Variants in HMCN1 observed in about 807,000 individuals in gnomAD.
HMCN1 encodes the protein hemicentin-1.
In HMCN1, 321 loss-of-function variants were observed where a neutral mutation model predicts 625.9. The ratio of observed to expected loss-of-function variants is 0.51; its 90% CI spans 0.47 to 0.56. HMCN1 has a LOEUF of 0.56. Ranked by LOEUF, HMCN1 falls within the 20% of genes least tolerant of loss-of-function variation. HMCN1 has a pLI of 0.00. For synonymous variants in HMCN1, 2,425 were observed against 2,417.6 expected, an observed-to-expected ratio of 1.00 and a Z score of -0.09; for missense variants, 6,588 against 6,887.3, an observed-to-expected ratio of 0.96 and a Z score of 1.54.
chr1:185,838,035 G>A (rs542700184), intron 1 of HMCN1, among the ~76,000 whole-genome samples: 19 of 152,204 alleles, frequency 1.2e-4, no homozygotes, highest in Admixed American at 1.1e-3. Flanking sequence ...TGGAGACTGA[G>A]AGGGAGGTCC....
intron 7 of HMCN1, among the ~76,000 whole-genome samples, chr1:185,922,785 G>C (rs892329147): frequency 6.6e-6 from 1 of 152,128 alleles, no homozygotes; most frequent in African/African-American, 2.4e-5. Flanking sequence ...GTACTTTAGT[G>C]AGCACCTCAG....
At chr1:185,980,195 T>C (rs574633316) in intron 16 of HMCN1, among the ~76,000 whole-genome samples, 3 of 152,208 alleles carry the variant, frequency 2.0e-5, no homozygotes, top group Non-Finnish European at 4.4e-5. Context: ...TTTCAATACG[T>C]AAATACTCTG....
chr1:185,867,981 A>G (rs1426852830), intron 4 of HMCN1, among the ~76,000 whole-genome samples: 1 of 152,022 alleles, frequency 6.6e-6, no homozygotes, highest in Non-Finnish European at 1.5e-5. Context: ...AGGCAGGAGA[A>G]TCACTTGAAC....
chr1:185,820,600 G>T (rs994002908), intron 1 of HMCN1, among the ~76,000 whole-genome samples: 2 of 151,990 alleles, frequency 1.3e-5, no homozygotes, highest in Non-Finnish European at 2.9e-5. Flanking sequence ...CTCAAATAAG[G>T]TTATACATAG....
rs553782612 is a variant in HMCN1 at position 185,818,364 on chromosome 1, T to C, written c.269-27662T>C. 2.0e-5 allele frequency among the ~76,000 whole-genome samples: 3 copies of C among 152,324 alleles called. No individual in the cohort carries two copies. The East Asian group carries it at 5.8e-4, about 29-fold the overall frequency. ...CTTCACCTATCAATTTATTTTTTTT[T>C]CCTAAATGGCATGGATGTAAGTGTT... On this transcript the variant is annotated intron_variant, in intron 1 of 106. Coordinates refer to ENST00000271588, the MANE Select transcript of HMCN1 (RefSeq NM_031935.3).
At chr1:185,942,387 T>C (rs1668127367) in intron 11 of HMCN1, among the ~76,000 whole-genome samples, 1 of 152,082 alleles carries the variant, frequency 6.6e-6, no homozygotes, top group African/African-American at 2.4e-5. Flanking sequence ...GATGTCTAGG[T>C]GTTGGAGAGG....
chr1:186,109,279 G>T (rs146900820), intron 71 of HMCN1, among the ~76,000 whole-genome samples: 26 of 152,178 alleles, frequency 1.7e-4, no homozygotes, highest in African/African-American at 6.0e-4. Context: ...AGGAGATTAT[G>T]TCCCCTAACA....
intron 2 of HMCN1, among the ~76,000 whole-genome samples, chr1:185,858,755 G>T (rs1211285626): frequency 1.5e-4 from 22 of 150,630 alleles, no homozygotes; most frequent in Non-Finnish European, 2.7e-4. Flanking sequence ...CTGGCCAGCA[G>T]TAATTTTTTT....
intron 4 of HMCN1, among the ~76,000 whole-genome samples, chr1:185,878,336 C>T (rs73054452): frequency 0.03 from 4,639 of 152,222 alleles, 257 homozygotes; most frequent in African/African-American, 0.11. Flanking sequence ...AGTGCGAATG[C>T]TTTCAACTTT....
chr1:185,998,184 C>G (rs1652935848), intron 25 of HMCN1, among the ~76,000 whole-genome samples: 2 of 152,096 alleles, frequency 1.3e-5, no homozygotes, highest in African/African-American at 4.8e-5. Context: ...TATTCATCAG[C>G]AGTGATTTAA....
At chr1:185,961,530 A>C (rs1008062675) in intron 11 of HMCN1, among the ~76,000 whole-genome samples, 17 of 152,200 alleles carry the variant, frequency 1.1e-4, no homozygotes, top group African/African-American at 4.1e-4. Context: ...TGTTTCAAAC[A>C]CTGGAAATTA....
At chr1:185,875,540 C>G (rs906172600) in intron 4 of HMCN1, among the ~76,000 whole-genome samples, 16 of 152,018 alleles carry the variant, frequency 1.1e-4, no homozygotes, top group African/African-American at 3.6e-4. Flanking sequence ...TCAATTAGAA[C>G]TGTTCTCTTC....
At chr1:185,888,375 T>G (rs953185757) in intron 4 of HMCN1, among the ~76,000 whole-genome samples, 1 of 144,738 alleles carries the variant, frequency 6.9e-6, no homozygotes, top group East Asian at 1.9e-4. Flanking sequence ...AGACATGAAG[T>G]CCTTGCCCAT....
At chr1:185,882,482 G>T (rs1664369073) in intron 4 of HMCN1, among the ~76,000 whole-genome samples, 1 of 151,028 alleles carries the variant, frequency 6.6e-6, no homozygotes, top group Non-Finnish European at 1.5e-5. Flanking sequence ...TTTCTTTTCT[G>T]TGTACCATTT....
At chr1:186,108,963 G>T (rs1042371630) in intron 71 of HMCN1, among the ~76,000 whole-genome samples, 1 of 152,202 alleles carries the variant, frequency 6.6e-6, no homozygotes, top group African/African-American at 2.4e-5. Context: ...TCTCTAGGGA[G>T]AATGCTTCTT....
rs759153187 is a variant in HMCN1 at position 186,151,657 on chromosome 1, C to T, written c.14810C>T (p.Thr4937Ile). 1 of 1,612,408 alleles carries T rather than the reference C, an allele frequency of 6.2e-7. No homozygotes were observed. The highest frequency in any genetic ancestry group is 8.5e-7 in the Non-Finnish European group (1 of 1,178,594). ...ATTCTAAATCCCATTTATTGGACAA[C>T]AGCAAAGGAAATAGGAGAAGCAGTC... is the stretch of plus-strand genomic sequence containing the variant. ...VSILNPIYWT[T>I]AKEIGEAVNG... Residue 4937 changes from threonine (T) to isoleucine (I), a missense_variant, in exon 95 of 107, where the codon ACA becomes ATA. Around this residue, in one of 3 missense-constraint regions of HMCN1, gnomAD observed 1,954 missense variants for 2,013.1 expected, o/e 0.97. Transcript: ENST00000271588.
At chr1:185,917,957 C>G (rs1666805213) in intron 6 of HMCN1, among the ~76,000 whole-genome samples, 1 of 152,180 alleles carries the variant, frequency 6.6e-6, no homozygotes, top group African/African-American at 2.4e-5. Flanking sequence ...TCTGCTCCTT[C>G]TTTTCCCTTA....
chr1:185,904,445 G>C (rs1037678136), intron 4 of HMCN1, among the ~76,000 whole-genome samples: 18 of 151,670 alleles, frequency 1.2e-4, no homozygotes, highest in African/African-American at 4.4e-4. Context: ...TTAACAATTT[G>C]GTGCCAAAAT....
In HMCN1 at chr1:186,171,323, G is replaced by A; in HGVS notation, c.15575-14G>A. 6.3e-7 allele frequency: 1 copy of A among 1,587,012 alleles called. No homozygotes were observed. Among genetic ancestry groups the A allele is most frequent in the African/African-American group, 1.3e-5 (1 of 74,456 alleles). On this transcript the variant is annotated splice_polypyrimidine_tract_variant and intron_variant, in intron 100 of 106. Coordinates refer to ENST00000271588, the MANE Select transcript of HMCN1 (RefSeq NM_031935.3). Reference sequence around the variant, plus strand: ...CCTAATAGCATATAATGAAAGTTTTGTTTTATTTAACAGATATTAATGAAT... The same window carrying A: ...CCTAATAGCATATAATGAAAGTTTTATTTTATTTAACAGATATTAATGAAT...
Sources: allele counts gnomAD v4.1 joint callset (sites outside exome capture counted in the v4.1 genomes callset), GRCh38; gene constraint gnomAD v4.1.1; regional missense constraint gnomAD v4.1.1; transcripts MANE v1.5; gene names NCBI Gene and HGNC (gene_info 2026-07-23, HGNC 2026-07-21).